Variants in ZBTB20 observed in about 807,000 individuals in gnomAD.
ZBTB20 encodes zinc finger and BTB domain-containing protein 20.
ZBTB20 carries 9 observed loss-of-function variants against 56.9 expected under a neutral mutation model. The observed-to-expected ratio is 0.16, with a 90% CI of 0.10 to 0.28. The LOEUF (loss-of-function observed/expected upper bound fraction) is 0.28, where lower values mean the gene tolerates loss of function less well. Among genes scored for constraint, ZBTB20 ranks in the 10% least tolerant of loss-of-function variants. ZBTB20 has a pLI of 1.00. For synonymous variants in ZBTB20, 417 were observed against 420.7 expected (o/e 0.99, Z 0.11); for missense variants, 655 against 1,003.0 (o/e 0.65, Z 4.69).
chr3:114,978,700 T>G (rs1369032930), intron 2 of ZBTB20, among the ~76,000 whole-genome samples: 1 of 151,524 alleles, frequency 6.6e-6, no homozygotes, highest in African/African-American at 2.4e-5. Flanking sequence ...GTGTGTGCAT[T>G]AGAAAAAGTA....
chr3:114,494,362 T>A (rs549665153), intron 7 of ZBTB20, among the ~76,000 whole-genome samples: 39 of 152,326 alleles, frequency 2.6e-4, no homozygotes, highest in African/African-American at 9.1e-4. Context: ...ACCCCAGGTA[T>A]ATGCTCTCAG....
chr3:114,804,574 G>A (rs1296525901), intron 4 of ZBTB20, among the ~76,000 whole-genome samples: 6 of 151,990 alleles, frequency 3.9e-5, no homozygotes, highest in South Asian at 2.1e-4. Flanking sequence ...GGTCAGCATA[G>A]AAGGCTAATT....
chr3:115,022,644 C>A (rs970184236), intron 2 of ZBTB20, among the ~76,000 whole-genome samples: 5 of 151,072 alleles, frequency 3.3e-5, no homozygotes, highest in Non-Finnish European at 5.9e-5. Flanking sequence ...AATTTGTTGT[C>A]CTTTGCCTCC....
chr3:114,876,282 C>T (rs1400616382), intron 4 of ZBTB20: 1 of 35,414 alleles, frequency 2.8e-5, no homozygotes, highest in Non-Finnish European at 1.2e-4. Flanking sequence ...TCCCTCACAC[C>T]CTTTCCCCCT....
chr3:114,881,583 T>C (rs1000424914), intron 4 of ZBTB20, among the ~76,000 whole-genome samples: 3 of 151,926 alleles, frequency 2.0e-5, no homozygotes, highest in African/African-American at 7.2e-5. Flanking sequence ...AATATAATTA[T>C]ATATTTTTAT....
At chr3:114,556,233 T>A (rs2051206557) in intron 6 of ZBTB20, among the ~76,000 whole-genome samples, 2 of 152,194 alleles carry the variant, frequency 1.3e-5, no homozygotes, top group South Asian at 4.1e-4. Context: ...ACTCATGATT[T>A]TCAGGTCCCT....
chr3:114,994,383 T>C (rs188240160), intron 2 of ZBTB20, among the ~76,000 whole-genome samples: 97 of 152,050 alleles, frequency 6.4e-4, no homozygotes, highest in South Asian at 1.4e-3. Flanking sequence ...AATCGTAGCC[T>C]GATATAAACT....
chr3:114,439,402 C>G (rs578244491), intron 7 of ZBTB20, among the ~76,000 whole-genome samples: 33 of 152,242 alleles, frequency 2.2e-4, no homozygotes, highest in African/African-American at 7.9e-4. Context: ...GAAACTCCCT[C>G]ATTTCACCAA....
At chr3:115,053,292 CTTGT>C (rs1167888179) in intron 2 of ZBTB20, among the ~76,000 whole-genome samples, 5 of 152,242 alleles carry the variant, frequency 3.3e-5, no homozygotes, top group African/African-American at 7.2e-5. Flanking sequence ...GGAACAGTTT[CTTGT>C]TTGTTTGTTT....
chr3:115,074,595 AC>A (rs1316729168), intron 1 of ZBTB20, among the ~76,000 whole-genome samples: 1 of 152,196 alleles, frequency 6.6e-6, no homozygotes. Flanking sequence ...CCTGCCTTAA[AC>A]AACTAAAAAT....
chr3:114,827,409 T>G (rs776857218), intron 4 of ZBTB20, among the ~76,000 whole-genome samples: 1 of 151,776 alleles, frequency 6.6e-6, no homozygotes, highest in Non-Finnish European at 1.5e-5. Context: ...AGCTACACAC[T>G]TGTAATGCTT....
chr3:115,140,100 C>T (rs2084768522), intron 1 of ZBTB20, among the ~76,000 whole-genome samples: 1 of 151,904 alleles, frequency 6.6e-6, no homozygotes, highest in Non-Finnish European at 1.5e-5. Context: ...AGGAAACAAA[C>T]TCAGATGATT....
intron 5 of ZBTB20, among the ~76,000 whole-genome samples, chr3:114,746,673 C>A (rs2067069348): frequency 6.6e-6 from 1 of 152,146 alleles, no homozygotes; most frequent in African/African-American, 2.4e-5. Context: ...TTACAAGCTT[C>A]ATTTTACTTT....
chr3:114,731,477 A>G (rs1319657047), intron 5 of ZBTB20, among the ~76,000 whole-genome samples: 1 of 152,124 alleles, frequency 6.6e-6, no homozygotes, highest in African/African-American at 2.4e-5. Flanking sequence ...ATGTATCTGG[A>G]CTCATGTCAT....
chr3:114,601,594 T>C (rs941762751), intron 6 of ZBTB20, among the ~76,000 whole-genome samples: 1 of 151,984 alleles, frequency 6.6e-6, no homozygotes, highest in Non-Finnish European at 1.5e-5. Context: ...GATTAATAGA[T>C]AGCTAAATAT....
intron 5 of ZBTB20, among the ~76,000 whole-genome samples, chr3:114,729,672 A>C (rs182457452): frequency 1.2e-4 from 18 of 152,322 alleles, no homozygotes; most frequent in Admixed American, 7.8e-4. Context: ...AATAATATTA[A>C]ATTTTTGAAT....
rs75574800 is a variant in ZBTB20, at chr3:114,406,414, T to C, written c.-254-17309A>G. Reference sequence around the variant, plus strand: ...CTGGAGAATAGAACTTGCAATTGACTGTTCTTTACCATCTGGTCTCAAGAA... The same window carrying C: ...CTGGAGAATAGAACTTGCAATTGACCGTTCTTTACCATCTGGTCTCAAGAA... On this transcript the variant is annotated intron_variant, in intron 7 of 11. Coordinates refer to ENST00000675478, the MANE Select transcript of ZBTB20 (RefSeq NM_001348800.3). 7.8e-3 allele frequency among the ~76,000 whole-genome samples: 1,184 copies of C among 152,280 alleles called. 68 individuals are homozygous for C. The East Asian group carries it at 0.15, about 20-fold the overall frequency.
intron 7 of ZBTB20, among the ~76,000 whole-genome samples, chr3:114,414,953 G>A (rs565664967): frequency 1.6e-4 from 22 of 133,858 alleles, no homozygotes; most frequent in East Asian, 7.7e-4. Flanking sequence ...CCGCCCCCCC[G>A]CACCCACCCA....
At chr3:114,698,455 C>T (rs1040712176) in intron 5 of ZBTB20, among the ~76,000 whole-genome samples, 2 of 152,080 alleles carry the variant, frequency 1.3e-5, no homozygotes, top group East Asian at 1.9e-4. Flanking sequence ...TCTTTGAATG[C>T]TGCTCAGTGC....
Sources: allele counts gnomAD v4.1 joint callset (sites outside exome capture counted in the v4.1 genomes callset), GRCh38; gene constraint gnomAD v4.1.1; transcripts MANE v1.5; gene names NCBI Gene and HGNC (gene_info 2026-07-23, HGNC 2026-07-21).